Variants in DISC1 observed in about 807,000 individuals in gnomAD.
DISC1 encodes DISC1 scaffold protein, also known as disrupted in schizophrenia 1 protein.
In DISC1, 57 loss-of-function variants were observed where a neutral mutation model predicts 84.5. The ratio of observed to expected loss-of-function variants is 0.67; its 90% CI spans 0.55 to 0.84. The LOEUF is 0.84. DISC1 is among the 40% of genes least tolerant of loss of function. The pLI, the probability that DISC1 is intolerant of heterozygous loss-of-function variation, is 0.00. For missense variants in DISC1, 1,000 were observed against 1,057.8 expected (o/e 0.95, Z 0.76); for synonymous variants, 411 against 415.2 (o/e 0.99, Z 0.12).
chr1:232,023,041 A>C (rs1669111732), intron 11 of DISC1, among the ~76,000 whole-genome samples: 2 of 102,574 alleles, frequency 1.9e-5, no homozygotes, highest in African/African-American at 6.4e-5. Context: ...AAAACTAAAA[A>C]AAATTTCAGG....
At chr1:231,677,714 C>T (rs1221621692) in intron 1 of DISC1, among the ~76,000 whole-genome samples, 1 of 152,224 alleles carries the variant, frequency 6.6e-6, no homozygotes. Flanking sequence ...TGCGGTGGCT[C>T]ACGCCTGTAA....
chr1:231,759,362 T>C (rs1427731222), intron 4 of DISC1, among the ~76,000 whole-genome samples: 1 of 151,740 alleles, frequency 6.6e-6, no homozygotes, highest in Admixed American at 6.6e-5. Context: ...TTACCCAGGA[T>C]ATAAAATGAG....
At chr1:231,653,854 C>G (rs1218761540) in intron 1 of DISC1, among the ~76,000 whole-genome samples, 1 of 152,140 alleles carries the variant, frequency 6.6e-6, no homozygotes, top group Non-Finnish European at 1.5e-5. Flanking sequence ...TTTGCCTCCT[C>G]CCTAGCGCCT....
Position 231,694,344 on chromosome 1 carries a change from C to T in DISC1, c.586C>T (p.Pro196Ser), listed in dbSNP as rs757944052. ...SCSPGCGPEV[P>S]PTPPGSHSAF... ...CAGCCCTGGCTGTGGCCCTGAGGTC[C>T]CCCCAACCCCTCCTGGCTCTCACAG... Residue 196 changes from proline to serine, a missense_variant, in exon 2 of 13, where the codon CCC becomes TCC. Physicochemically the swap from Pro to Ser is moderately conservative, Grantham distance 74. This residue lies in a region of DISC1 where 292 missense variants were observed against 280.2 expected (regional missense o/e 1.04). Transcript: ENST00000439617. 1 of 1,614,228 alleles carries T rather than the reference C, an allele frequency of 6.2e-7. No individual in the cohort carries two copies. The highest frequency in any genetic ancestry group is 8.5e-7 in the Non-Finnish European group (1 of 1,180,034).
chr1:231,694,405 C>T lies in DISC1; in HGVS notation c.647C>T (p.Ser216Leu), dbSNP rs139420445. 72 of 1,614,122 alleles carry T rather than the reference C, an allele frequency of 4.5e-5. No homozygotes were observed. The highest frequency in any genetic ancestry group is 4.3e-4 in the African/African-American group (32 of 74,954). Residue 216 changes from serine to leucine, a missense_variant, in exon 2 of 13, where the codon TCG (serine) becomes TTG (leucine). Around this residue, in one of 3 missense-constraint regions of DISC1, gnomAD observed 311 missense variants for 400.1 expected, o/e 0.78. Transcript: ENST00000439617. ...TCAAGCTTTAGCTTTATTCGGCTCTCGCTTGGCTCTGCCGGGGAACGTGGA... is the reference window on the plus strand; with the variant it reads ...TCAAGCTTTAGCTTTATTCGGCTCTTGCTTGGCTCTGCCGGGGAACGTGGA... ...FTSSFSFIRL[S>L]LGSAGERGEA...
rs1354417735 is a variant in DISC1 at position 231,706,070 on chromosome 1, T to C, written c.1117+4046T>C. On this transcript the variant is annotated intron_variant, in intron 3 of 12. Transcript: ENST00000439617. Reference sequence around the variant, plus strand: ...CTGGCAAATTTCCCCACTAATGCCTTGTGGGAAAACCTTCTCAGGCTCTAA... The same window carrying C: ...CTGGCAAATTTCCCCACTAATGCCTCGTGGGAAAACCTTCTCAGGCTCTAA... Among the ~76,000 whole-genome samples, 14 of 152,194 alleles carry C rather than the reference T, an allele frequency of 9.2e-5. No homozygotes were observed. The East Asian group carries it at 1.2e-3, about 13-fold the overall frequency.
At chr1:231,961,449 C>T (rs1039337806) in intron 10 of DISC1, among the ~76,000 whole-genome samples, 1 of 152,016 alleles carries the variant, frequency 6.6e-6, no homozygotes, top group Non-Finnish European at 1.5e-5. Flanking sequence ...ATGTATCGTG[C>T]GATGCTGAGG....
Position 232,009,385 on chromosome 1 carries a change from A to G in DISC1, c.2307+336A>G, listed in dbSNP as rs147362844. Reference sequence around the variant, plus strand: ...ATATAATATAGTTATTATATTCACTATAGATTATATATGCCATACATGATA... The same window carrying G: ...ATATAATATAGTTATTATATTCACTGTAGATTATATATGCCATACATGATA... On this transcript the variant is annotated intron_variant, in intron 11 of 12. Coordinates refer to ENST00000439617, the MANE Select transcript of DISC1 (RefSeq NM_018662.3). This position sits in a 1 kb window ranked among gnomAD's most constrained non-coding sequence, Gnocchi z 4.6. The G allele has an allele frequency of 1.7e-4, 132 of 779,728 alleles. No individual in the cohort carries two copies. The African/African-American group carries it at 2.4e-3, about 14-fold the overall frequency. 48.3% of individuals were successfully genotyped at this position (779,728 alleles called of 1,614,324 possible).
Position 231,694,607 on chromosome 1 carries a change from C to G in DISC1, c.849C>G (p.Asn283Lys). The change falls in exon 2 of 13, where the codon AAC (asparagine) becomes AAG (lysine). Residue 283 changes from asparagine (N) to lysine (K), a missense_variant. Physicochemically the swap from Asn to Lys is moderately conservative, Grantham distance 94. Transcript: ENST00000439617. ...VSADLAQAAR[N>K]SSRPERDMHS... ...CAGACTTGGCCCAGGCCGCAAGGAACAGCTCCAGGCCAGAGCGTGACATGC... is the reference window on the plus strand; with the variant it reads ...CAGACTTGGCCCAGGCCGCAAGGAAGAGCTCCAGGCCAGAGCGTGACATGC... 1.2e-6 allele frequency: 2 copies of G among 1,614,276 alleles called. No homozygotes were observed. Among genetic ancestry groups the G allele is most frequent in the Non-Finnish European group, 1.7e-6 (2 of 1,180,050 alleles).
chr1:231,971,874 A>C (rs1662005631), intron 10 of DISC1, among the ~76,000 whole-genome samples: 2 of 152,196 alleles, frequency 1.3e-5, no homozygotes, highest in South Asian at 4.2e-4. Flanking sequence ...TTAAGAAAAA[A>C]ATTCCCCAGT....
intron 3 of DISC1, among the ~76,000 whole-genome samples, chr1:231,706,865 C>G (rs972211883): frequency 1.4e-4 from 21 of 152,162 alleles, no homozygotes; most frequent in African/African-American, 4.8e-4. Flanking sequence ...CTCAGTTTCT[C>G]GTCACTGATG....
chr1:231,678,598 G>C (rs368179620), intron 1 of DISC1, among the ~76,000 whole-genome samples: 1 of 152,208 alleles, frequency 6.6e-6, no homozygotes, highest in African/African-American at 2.4e-5. Context: ...AAGTCAAAGA[G>C]GGGTAGAGAT....
At chr1:232,023,036 T>TA (rs1425967177) in intron 11 of DISC1, among the ~76,000 whole-genome samples, 3 of 115,362 alleles carry the variant, frequency 2.6e-5, no homozygotes, top group South Asian at 3.0e-4. Flanking sequence ...CTAAAAAAAC[T>TA]AAAAAAAATT....
chr1:231,906,856 G>A (rs556169798), intron 9 of DISC1, among the ~76,000 whole-genome samples: 16 of 152,188 alleles, frequency 1.1e-4, no homozygotes, highest in African/African-American at 3.9e-4. Flanking sequence ...AGGGGCTTAT[G>A]TTTTATATCC....
intron 1 of DISC1, among the ~76,000 whole-genome samples, chr1:231,658,225 T>C (rs2061297831): frequency 6.6e-6 from 1 of 152,186 alleles, no homozygotes; most frequent in South Asian, 2.1e-4. Context: ...CCTAGTTATT[T>C]TATTCTTTTT....
In DISC1 at chr1:231,958,815, T is replaced by G. The variant is rs757695180; in HGVS notation, c.1982-13T>G. 4 of 1,612,690 alleles carry G rather than the reference T, an allele frequency of 2.5e-6. No homozygotes were observed. Among genetic ancestry groups the G allele is most frequent in the Non-Finnish European group, 3.4e-6 (4 of 1,179,518 alleles). On this transcript the variant is annotated splice_polypyrimidine_tract_variant and intron_variant, in intron 9 of 12. Coordinates refer to ENST00000439617, the MANE Select transcript of DISC1 (RefSeq NM_018662.3). ...CAGTTGCATTAACTTTGGATTTCCT[T>G]TTTTTCCCCCAGAAACAAGTGTGAA... is the stretch of plus-strand genomic sequence containing the variant.
chr1:231,855,566 A>G (rs922290172), intron 9 of DISC1, among the ~76,000 whole-genome samples: 14 of 152,222 alleles, frequency 9.2e-5, no homozygotes, highest in African/African-American at 3.4e-4. Flanking sequence ...ATAAAGCCTA[A>G]ACCACAAATA....
At position 232,038,103 on chromosome 1, in the gene DISC1, G is replaced by A. The variant is rs1429012276; in HGVS notation, c.*1272G>A. ...ACAGTGCAGTGCTCAATAAGGCAGT[G>A]CAGTGCTCAGTAAGGCAGTGAATTG... On this transcript the variant is annotated 3_prime_UTR_variant, in exon 13 of 13. Transcript: ENST00000439617. The A allele has an allele frequency of 6.6e-6, 1 of 152,312 alleles. No individual in the cohort carries two copies. Among genetic ancestry groups the A allele is most frequent in the African/African-American group, 2.4e-5 (1 of 41,430 alleles). The allele number at this position is 152,312 out of a possible 1,614,324, so 9.4% of individuals were successfully genotyped here.
intron 1 of DISC1, among the ~76,000 whole-genome samples, chr1:231,685,457 T>A (rs2064150962): frequency 6.6e-6 from 1 of 152,002 alleles, no homozygotes; most frequent in African/African-American, 2.4e-5. Context: ...TTTATCTTAT[T>A]GTATTTTTTT....
Sources: allele counts gnomAD v4.1 joint callset (sites outside exome capture counted in the v4.1 genomes callset), GRCh38; gene constraint gnomAD v4.1.1; regional missense constraint gnomAD v4.1.1; non-coding constraint Gnocchi (gnomAD v3.1); transcripts MANE v1.5; gene names NCBI Gene and HGNC (gene_info 2026-07-23, HGNC 2026-07-21).